Variants in HERC4 observed in about 807,000 individuals in gnomAD.
The protein encoded by HERC4 is HECT and RLD domain containing E3 ubiquitin protein ligase 4.
HERC4 carries 28 observed loss-of-function variants against 124.3 expected under a neutral mutation model. The observed-to-expected ratio is 0.23, with a 90% CI of 0.17 to 0.31. The LOEUF (loss-of-function observed/expected upper bound fraction) is 0.31. HERC4 is among the 10% of genes least tolerant of loss of function. The pLI is 1.00. For missense variants in HERC4, 713 were observed against 1,229.3 expected (o/e 0.58, Z 6.28); for synonymous variants, 407 against 421.5 (o/e 0.97, Z 0.42).
Position 68,069,535 on chromosome 10 carries a change from T to C in HERC4, c.226+3348A>G, listed in dbSNP as rs116634232. 118 of 985,446 alleles carry C rather than the reference T, an allele frequency of 1.2e-4. No homozygotes were observed. In the African/African-American group the frequency reaches 2.0e-3, roughly 17 times the overall value. 61.0% of individuals were successfully genotyped at this position (985,446 alleles called of 1,614,324 possible). A position where few individuals can be genotyped will look rare whatever the true frequency, so the allele number is the denominator to read the frequency against. Reference sequence around the variant, plus strand: ...CCAGAACAGAAACACCTCTTTTCAATAGGCCACAGGTTAAATCTATTCACT... The same window carrying C: ...CCAGAACAGAAACACCTCTTTTCAACAGGCCACAGGTTAAATCTATTCACT... On this transcript the variant is annotated intron_variant, in intron 3 of 24. Transcript: ENST00000373700.
In HERC4 at chr10:67,922,841, A is replaced by T; in HGVS notation, c.*90T>A. ...TTCTGCAAGTAAGAATTATAATAGT[A>T]CCTCTGTCACCTTGCTGAATTCATC... On this transcript the variant is annotated 3_prime_UTR_variant, in exon 25 of 25. Transcript: ENST00000373700. 1 of 877,126 alleles carries T rather than the reference A, an allele frequency of 1.1e-6. No individual in the cohort carries two copies. The highest frequency in any genetic ancestry group is 1.8e-6 in the Non-Finnish European group (1 of 558,072). 54.3% of individuals were successfully genotyped at this position (877,126 alleles called of 1,614,324 possible). A position where few individuals can be genotyped will look rare whatever the true frequency, so the allele number is the denominator to read the frequency against.
chr10:68,008,182 TTAATAGTTGGGG>T (rs1412854168), intron 9 of HERC4, among the ~76,000 whole-genome samples: 1 of 152,194 alleles, frequency 6.6e-6, no homozygotes, highest in Non-Finnish European at 1.5e-5. Context: ...GCTGAGATTC[TTAATAGTTGGGG>T]TAGAGGTGAT....
chr10:68,011,522 T>G (rs1419695578), intron 9 of HERC4, among the ~76,000 whole-genome samples: 1 of 152,212 alleles, frequency 6.6e-6, no homozygotes, highest in African/African-American at 2.4e-5. Flanking sequence ...TCCATGTATA[T>G]CTCCATCTGA....
At chr10:68,070,008 T>C (rs575739731) in intron 3 of HERC4, 48 of 839,854 alleles carry the variant, frequency 5.7e-5, no homozygotes, top group South Asian at 3.3e-4. Flanking sequence ...TGCCACTGCA[T>C]TCCAGCCTGG....
chr10:68,047,932 T>G (rs1401086697), intron 3 of HERC4, among the ~76,000 whole-genome samples: 1 of 151,966 alleles, frequency 6.6e-6, no homozygotes, highest in Non-Finnish European at 1.5e-5. Context: ...TGTTTTTGTT[T>G]TTTTTTTTGT....
intron 9 of HERC4, chr10:68,010,344 CCT>C (rs925193422): frequency 2.1e-6 from 2 of 942,408 alleles, no homozygotes; most frequent in Admixed American, 4.1e-5. Context: ...AAAATGGGGC[CCT>C]GAGGCCATAG....
Position 67,925,124 on chromosome 10 carries a change from A to C in HERC4, c.2902T>G (p.Phe968Val). 1.0e-5 allele frequency: 16 copies of C among 1,606,436 alleles called. No individual in the cohort carries two copies. Among genetic ancestry groups the C allele is most frequent in the Non-Finnish European group, 1.3e-5 (15 of 1,173,234 alleles). The change falls in exon 24 of 25, where the codon TTT (phenylalanine) becomes GTT (valine). Residue 968 changes from phenylalanine (F) to valine (V), a missense_variant. Physicochemically the swap from Phe to Val is conservative, Grantham distance 50 (BLOSUM62 -1). Coordinates refer to ENST00000373700, the MANE Select transcript of HERC4 (RefSeq NM_015601.4). ...TTCTTTTCCAATGGTAATTCGTGAA[A>C]TACTTCCCAAAAAATTTTTATCGTA... The part of the protein sequence containing the change: ...HPTIKIFWEV[F>V]HELPLEKKKQ...
intron 15 of HERC4, among the ~76,000 whole-genome samples, chr10:67,978,655 C>T (rs1474159195): frequency 6.6e-6 from 1 of 152,300 alleles, no homozygotes; most frequent in East Asian, 1.9e-4. Flanking sequence ...TTATAACAGG[C>T]CTTGGGTGAG....
chr10:67,927,969 G>C (rs771177168), intron 23 of HERC4, among the ~76,000 whole-genome samples: 60 of 152,148 alleles, frequency 3.9e-4, no homozygotes, highest in Non-Finnish European at 7.9e-4. Context: ...GACAGGATAC[G>C]TGTGCAGGAG....
At chr10:68,039,355 C>CG in intron 4 of HERC4, 1 of 1,417,026 alleles carries the variant, frequency 7.1e-7, no homozygotes, top group Non-Finnish European at 9.3e-7. Context: ...AAAGAAAAAA[C>CG]GGGGGATGGG....
chr10:67,932,679 T>C lies in HERC4; in HGVS notation c.2756A>G (p.Lys919Arg), dbSNP rs149046431. ...ATTAGGCTGAAAGAGCAGAAGGACT[T>C]TTCCTCCACAGACCTTATGAAAGCC... ...HAGFHKVCGG[K>R]VLLLFQPNEL... Residue 919 changes from lysine (K) to arginine (R), a missense_variant, in exon 23 of 25, where the codon AAA becomes AGA. Coordinates refer to ENST00000373700, the MANE Select transcript of HERC4 (RefSeq NM_015601.4). 2 of 1,607,414 alleles carry C rather than the reference T, an allele frequency of 1.2e-6. No homozygotes were observed. The highest frequency in any genetic ancestry group is 2.7e-5 in the African/African-American group (2 of 74,452).
At position 68,072,932 on chromosome 10, in the gene HERC4, T is replaced by C. The variant is rs778575068; in HGVS notation, c.177A>G (p.Gly59=). 6.2e-6 allele frequency: 10 copies of C among 1,613,552 alleles called. No homozygotes were observed. The highest frequency in any genetic ancestry group is 2.7e-5 in the African/African-American group (2 of 74,930). The change falls in exon 3 of 25, where the codon GGA becomes GGG. Residue 59 remains glycine (G), a synonymous_variant. Coordinates refer to ENST00000373700, the MANE Select transcript of HERC4 (RefSeq NM_015601.4). ...VLDDGTVYTC[G]CNDLGQLGHE... ...GACCTAGCTGTCCTAGATCATTACA[T>C]CCACATGTGTACACTGTTCCATCAT...
Position 68,035,959 on chromosome 10 carries a change from T to A in HERC4, c.464-1773A>T, listed in dbSNP as rs1188702051. On this transcript the variant is annotated intron_variant, in intron 5 of 24. Coordinates refer to ENST00000373700, the MANE Select transcript of HERC4 (RefSeq NM_015601.4). ...TGAATGACTATATCACGAAGGCTAG[T>A]AAGTAGTATACTGCTTATTACTGTA... Among the ~76,000 whole-genome samples, 4 of 152,282 alleles carry A rather than the reference T, an allele frequency of 2.6e-5. No homozygotes were observed. In the South Asian group the frequency reaches 6.2e-4, roughly 24 times the overall value.
In HERC4 at chr10:67,941,469, G is replaced by T. The variant is rs932429575; in HGVS notation, c.2338-364C>A. ...AAAAAGTAATACACATTCGAAATTT[G>T]GAAAACAAAGAAAAAACATAGAAAA... On this transcript the variant is annotated intron_variant, in intron 19 of 24. Transcript: ENST00000373700. 1.3e-4 allele frequency among the ~76,000 whole-genome samples: 20 copies of T among 151,424 alleles called. No individual in the cohort carries two copies. In the East Asian group the frequency reaches 3.7e-3, roughly 28 times the overall value.
chr10:67,978,003 T>C (rs1038036328), intron 15 of HERC4, among the ~76,000 whole-genome samples: 1 of 150,024 alleles, frequency 6.7e-6, no homozygotes, highest in South Asian at 2.1e-4. Context: ...GGGCTGGGCA[T>C]GGTGGCTCAC....
chr10:67,951,917 CA>C (rs1005175891), intron 19 of HERC4, among the ~76,000 whole-genome samples: 3 of 150,710 alleles, frequency 2.0e-5, no homozygotes, highest in African/African-American at 7.3e-5. Flanking sequence ...AATATCCAGA[CA>C]AAAAAAAATG....
At chr10:68,010,268 A>ACAGTG (rs1278201152) in intron 9 of HERC4, 28 of 995,398 alleles carry the variant, frequency 2.8e-5, no homozygotes, top group South Asian at 1.2e-4. Flanking sequence ...ACTAAGGAAC[A>ACAGTG]CAGTGCAGTG....
chr10:68,035,989 G>A (rs962584030), intron 5 of HERC4, among the ~76,000 whole-genome samples: 5 of 152,104 alleles, frequency 3.3e-5, no homozygotes, highest in South Asian at 4.1e-4. Flanking sequence ...ACTGTATACT[G>A]TAGTATGCCT....
chr10:68,025,012 A>C (rs894786604), intron 8 of HERC4, among the ~76,000 whole-genome samples: 1 of 152,166 alleles, frequency 6.6e-6, no homozygotes, highest in East Asian at 1.9e-4. Flanking sequence ...TTCACCCTTT[A>C]AGGAAAAAAG....
Sources: gnomAD v4.1 joint callset for allele counts (sites outside exome capture counted in the v4.1 genomes callset) on GRCh38, gnomAD v4.1.1 for gene constraint, MANE v1.5 for transcripts, NCBI Gene and HGNC (gene_info 2026-07-23, HGNC 2026-07-21) for gene names.